GET1: variants seen among roughly 807,000 people sequenced by gnomAD.
The protein encoded by GET1 is congenital heart disease 5 protein.
A neutral mutation model predicts 22.6 loss-of-function variants in GET1; 20 were observed. The observed-to-expected ratio is 0.89, with a 90% CI of 0.62 to 1.29. The LOEUF (loss-of-function observed/expected upper bound fraction) is 1.29, where lower values mean the gene tolerates loss of function less well. Among genes scored for constraint, GET1 ranks in the 50% most tolerant of loss-of-function variants. The pLI is 0.00. For synonymous variants in GET1, 92 were observed against 83.8 expected, an observed-to-expected ratio of 1.10 and a Z score of -0.53; for missense variants, 209 against 219.9, an observed-to-expected ratio of 0.95 and a Z score of 0.31.
At chr21:39,408,195 T>G (rs974090917), downstream of GET1, among the ~76,000 whole-genome samples, 1 of 152,192 alleles carries the variant, frequency 6.6e-6, no homozygotes, top group Non-Finnish European at 1.5e-5. Flanking sequence ...ATCTTCAAAA[T>G]TCCAAAGGAA....
rs974866521 is a variant in GET1, at chr21:39,380,383, G to A, written c.-2G>A. On this transcript the variant is annotated 5_prime_UTR_variant, in exon 1 of 5. Transcript: ENST00000649170. ...GACCCAGCACAGCCAGGAGCGTCCG[G>A]GATGAGCTCAGCCGCGGCCGACCAC... The A allele has an allele frequency of 6.2e-7, 1 of 1,602,574 alleles. No homozygotes were observed. Among genetic ancestry groups the A allele is most frequent in the Non-Finnish European group, 8.5e-7 (1 of 1,173,702 alleles).
chr21:39,393,536 T>C (rs2146984418), intron 4 of GET1, among the ~76,000 whole-genome samples: 1 of 152,344 alleles, frequency 6.6e-6, no homozygotes, highest in African/African-American at 2.4e-5. Context: ...CCATGCCCAA[T>C]ACGTCAAGTC....
At chr21:39,416,759 C>G (rs1286529377) in intron 1 of GET1, among the ~76,000 whole-genome samples, 1 of 152,110 alleles carries the variant, frequency 6.6e-6, no homozygotes, top group East Asian at 1.9e-4. Flanking sequence ...ATTCTCAAAA[C>G]AACAACATCA....
downstream of GET1, chr21:39,410,105 T>C: frequency 6.3e-7 from 1 of 1,579,260 alleles, no homozygotes; most frequent in Non-Finnish European, 8.7e-7. Flanking sequence ...CCCTGTAATT[T>C]AGAAAAGCAG....
chr21:39,390,204 C>G (rs1257321558), intron 1 of GET1, among the ~76,000 whole-genome samples: 1 of 152,088 alleles, frequency 6.6e-6, no homozygotes, highest in Non-Finnish European at 1.5e-5. Context: ...CTGGAGTCAC[C>G]TCAAAAGCAG....
intron 1 of GET1, among the ~76,000 whole-genome samples, chr21:39,412,220 G>C (rs1434098539): frequency 6.6e-6 from 1 of 152,204 alleles, no homozygotes; most frequent in South Asian, 2.1e-4. Context: ...GCAGCTGTGT[G>C]TGACTAGTGA....
chr21:39,420,841 G>A (rs1488825736), intron 1 of GET1: 4 of 1,611,878 alleles, frequency 2.5e-6, no homozygotes, highest in Non-Finnish European at 3.4e-6. Context: ...GTTTTTCCAA[G>A]CTCTGAAAAC....
chr21:39,388,242 C>T (rs564011599), intron 1 of GET1, among the ~76,000 whole-genome samples: 16 of 152,226 alleles, frequency 1.1e-4, no homozygotes, highest in African/African-American at 3.9e-4. Flanking sequence ...GTGGTGCAGG[C>T]CTGTAGTCCC....
rs1177615459 is a variant in GET1, at chr21:39,397,874, C to G, written c.*935C>G. 3 of 152,220 alleles carry G rather than the reference C, an allele frequency of 2.0e-5. No homozygotes were observed. The highest frequency in any genetic ancestry group is 7.2e-5 in the African/African-American group (3 of 41,460). The allele number at this position is 152,220 out of a possible 1,614,324, so 9.4% of individuals were successfully genotyped here. A position where few individuals can be genotyped will look rare whatever the true frequency, so the allele number is the denominator to read the frequency against. ...ACTGAGTCACCATATCCCAGTAAAG[C>G]TGAATTTTCTCACTAGTTTCTGCAA... On this transcript the variant is annotated 3_prime_UTR_variant, in exon 5 of 5. Transcript: ENST00000649170.
At chr21:39,400,601 G>A (rs1011296719), downstream of GET1, among the ~76,000 whole-genome samples, 1 of 152,094 alleles carries the variant, frequency 6.6e-6, no homozygotes, top group Non-Finnish European at 1.5e-5. Context: ...TAAGGCCTGC[G>A]GTATGGAGCA....
chr21:39,401,390 TGA>T (rs373458264), downstream of GET1, among the ~76,000 whole-genome samples: 753 of 152,236 alleles, frequency 4.9e-3, 7 homozygotes, highest in Middle Eastern at 0.031. Flanking sequence ...TATTAAATAT[TGA>T]GAGGTATAAA....
chr21:39,406,197 C>T (rs756323497), exon 5 of GET1: 6 of 1,614,086 alleles, frequency 3.7e-6, no homozygotes, highest in African/African-American at 1.3e-5. Flanking sequence ...AATGCTCTAG[C>T]TCCATTTCCT....
chr21:39,428,232 G>C, exon 2 of GET1: 6 of 1,601,574 alleles, frequency 3.7e-6, no homozygotes, highest in South Asian at 1.1e-5. Context: ...TTTACCACAG[G>C]CTGCTTTAAA....
chr21:39,406,745 T>G, downstream of GET1: 1 of 666,420 alleles, frequency 1.5e-6, no homozygotes, highest in South Asian at 2.2e-5. Context: ...AGAAAATAGA[T>G]GCATAGACAA....
rs777374074 is a variant in GET1, at chr21:39,390,683, T to C, written c.103-15T>C. On this transcript the variant is annotated splice_polypyrimidine_tract_variant and intron_variant, in intron 1 of 4. Coordinates refer to ENST00000649170, the MANE Select transcript of GET1 (RefSeq NM_004627.6). ...CGTGTTGGAAGGTGCTGATCCCCGT[T>C]GTCCGCCCTGCCAGATGTCCAGGGT... is the stretch of plus-strand genomic sequence containing the variant. 5.6e-6 allele frequency: 9 copies of C among 1,613,878 alleles called. No individual in the cohort carries two copies. The East Asian group carries it at 1.8e-4, about 32-fold the overall frequency.
intron 1 of GET1, among the ~76,000 whole-genome samples, chr21:39,387,355 T>C (rs1471706931): frequency 1.3e-5 from 2 of 152,332 alleles, no homozygotes; most frequent in East Asian, 3.9e-4. Context: ...TTTTAAAATA[T>C]GGTTTTAAAA....
At chr21:39,388,513 G>T (rs1390112179) in intron 1 of GET1, among the ~76,000 whole-genome samples, 1 of 152,218 alleles carries the variant, frequency 6.6e-6, no homozygotes, top group African/African-American at 2.4e-5. Context: ...TCATTTGTGG[G>T]TGTCAGAGGC....
intron 1 of GET1, among the ~76,000 whole-genome samples, chr21:39,415,186 C>T (rs1342470332): frequency 2.6e-5 from 4 of 152,150 alleles, no homozygotes; most frequent in Admixed American, 1.3e-4. Context: ...GCCACCATGC[C>T]TGGCTTGGAG....
chr21:39,391,828 G>GT lies in GET1; in HGVS notation c.329dup (p.Leu111IlefsTer24), dbSNP rs780607164. 6.2e-7 allele frequency: 1 copy of GT among 1,614,054 alleles called. No individual in the cohort carries two copies. On this transcript the variant is annotated frameshift_variant, in exon 3 of 5. Transcript: ENST00000649170. LOFTEE classifies it high-confidence loss of function. ...ATGGGTGATAAGTGTCGCTTTCTAC[G>GT]TATTGCAGGTAAGTGTGCTAGAGCG...
Sources: gnomAD v4.1 joint callset for allele counts (sites outside exome capture counted in the v4.1 genomes callset) on GRCh38, gnomAD v4.1.1 for gene constraint, MANE v1.5 for transcripts, NCBI Gene and HGNC (gene_info 2026-07-23, HGNC 2026-07-21) for gene names.